Variants in CEACAM20 observed in about 807,000 individuals in gnomAD.
CEACAM20 encodes the protein cell adhesion molecule CEACAM20.
CEACAM20 carries 50 observed loss-of-function variants against 61.2 expected under a neutral mutation model. The observed-to-expected ratio is 0.82, with a 90% CI of 0.65 to 1.03. CEACAM20 has a LOEUF of 1.03. CEACAM20 is among the 50% of genes least tolerant of loss of function. The pLI is 0.00. For missense variants in CEACAM20, 683 were observed against 736.4 expected (o/e 0.93, Z 0.84); for synonymous variants, 282 against 287.7 (o/e 0.98, Z 0.20).
intron 5 of CEACAM20, among the ~76,000 whole-genome samples, chr19:44,518,663 T>C (rs11670955): frequency 0.5 from 76,395 of 151,880 alleles, 21,259 homozygotes; most frequent in East Asian, 0.76. Context: ...GGTTGCTAAT[T>C]GAGACATTCT....
intron 1 of CEACAM20, among the ~76,000 whole-genome samples, chr19:44,526,651 T>C (rs1233356571): frequency 6.6e-6 from 1 of 151,682 alleles, no homozygotes; most frequent in Non-Finnish European, 1.5e-5. Flanking sequence ...CGGAGGTGGG[T>C]GGATCACTTG....
In CEACAM20 at chr19:44,520,507, C is replaced by T; in HGVS notation, c.997G>A (p.Ala333Thr). ...ACEVWNWGSR[A>T]RSEPLELTIN... ...GTCAGCTCAAGGGGCTCACTCCGGG[C>T]CCGGCTGCCCCAGTTCCAGACCTCA... The change falls in exon 5 of 12, where the codon GCC becomes ACC. Residue 333 changes from alanine to threonine, a missense_variant. Physicochemically the swap from Ala to Thr is moderately conservative, Grantham distance 58 (BLOSUM62 0). Transcript: ENST00000614924. The T allele has an allele frequency of 6.2e-7, 1 of 1,613,482 alleles. No individual in the cohort carries two copies. Among genetic ancestry groups the T allele is most frequent in the Non-Finnish European group, 8.5e-7 (1 of 1,179,872 alleles).
At position 44,510,556 on chromosome 19, in the gene CEACAM20, G is replaced by GAA. The variant is rs768078609; in HGVS notation, c.1737+472_1737+473dup. On this transcript the variant is annotated intron_variant, in intron 11 of 11. Transcript: ENST00000614924. ...GAAAGGAAGGAAGGAAGGAAAGAAA[G>GAA]AAAGAAAGAAAGAAAGAAAGAAAGA... Among the ~76,000 whole-genome samples, 75 of 29,184 alleles carry GAA rather than the reference G, an allele frequency of 2.6e-3. 1 individual carries two copies. Among genetic ancestry groups the GAA allele is most frequent in the East Asian group, 0.026 (7 of 274 alleles). 19.1% of individuals were successfully genotyped at this position (29,184 alleles called of 152,430 possible). A position where few individuals can be genotyped will look rare whatever the true frequency, so the allele number is the denominator to read the frequency against.
chr19:44,529,336 ATC>A (rs760445851), intron 1 of CEACAM20, 120 bp downstream of exon 1: 7 of 850,880 alleles, frequency 8.2e-6, no homozygotes, highest in East Asian at 8.1e-5. Flanking sequence ...CTCTGCCTCC[ATC>A]TCTTTTTCCT....
chr19:44,525,632 G>A (rs912379263), intron 1 of CEACAM20, among the ~76,000 whole-genome samples: 6 of 152,044 alleles, frequency 3.9e-5, no homozygotes, highest in South Asian at 2.1e-4. Flanking sequence ...TAGTAGAGAC[G>A]GGGTTTCGCC....
chr19:44,512,858 A>G lies in CEACAM20; in HGVS notation c.1513+10T>C. 2 of 1,610,798 alleles carry G rather than the reference A, an allele frequency of 1.2e-6. No homozygotes were observed. Among genetic ancestry groups the G allele is most frequent in the Non-Finnish European group, 1.7e-6 (2 of 1,177,552 alleles). ...CTGCCCCAGGCATCAGCCACCATAG[A>G]GTCACTTACCGGAACTGGGCTCTGT... On this transcript the variant is annotated intron_variant, in intron 8 of 11. Coordinates refer to ENST00000614924, the MANE Select transcript of CEACAM20 (RefSeq NM_001102597.3).
chr19:44,510,578 A>G (rs867613960), intron 11 of CEACAM20, among the ~76,000 whole-genome samples: 1 of 49,040 alleles, frequency 2.0e-5, no homozygotes, highest in Admixed American at 2.5e-4. Context: ...GAAAGAAAGA[A>G]AGAAAGAAAG....
intron 11 of CEACAM20, among the ~76,000 whole-genome samples, chr19:44,510,593 AAAGAAAGAAAGAAAGAAAAAGGAAG>A (rs1970956310): frequency 1.6e-5 from 1 of 63,394 alleles, no homozygotes; most frequent in South Asian, 7.0e-4. Context: ...AGAAAGAAAG[AAAGAAAGAAAGAAAGAAAAAGGAAG>A]GAAGGAAGAA....
intron 4 of CEACAM20, 74 bp from the exon 5 acceptor site, chr19:44,520,826 G>A (rs1237483294): frequency 1.4e-6 from 2 of 1,478,914 alleles, no homozygotes; most frequent in Non-Finnish European, 1.8e-6. Flanking sequence ...GGGCCCACAA[G>A]TTTTTCCAGG....
intron 11 of CEACAM20, among the ~76,000 whole-genome samples, chr19:44,509,430 G>A (rs1970910028): frequency 6.6e-6 from 1 of 151,730 alleles, no homozygotes; most frequent in African/African-American, 2.4e-5. Context: ...AAATGAAACT[G>A]AAATCAATGG....
Position 44,520,756 on chromosome 19 carries a change from G to A in CEACAM20, c.752-4C>T, listed in dbSNP as rs935190926. ...ACTTGAGGCATGGTCAGTGTTTCTG[G>A]AAACACGTGGAGATACACAGTCAGG... On this transcript the variant is annotated splice_polypyrimidine_tract_variant and splice_region_variant and intron_variant, in intron 4 of 11. Transcript: ENST00000614924. 13 of 1,610,526 alleles carry A rather than the reference G, an allele frequency of 8.1e-6. No individual in the cohort carries two copies. The highest frequency in any genetic ancestry group is 1.3e-5 in the African/African-American group (1 of 75,022).
At chr19:44,521,431 T>G (rs573924063) in intron 4 of CEACAM20, among the ~76,000 whole-genome samples, 157 of 152,218 alleles carry the variant, frequency 1.0e-3, no homozygotes, top group African/African-American at 3.7e-3. Flanking sequence ...GTCATGTATA[T>G]GTGATCTTGT....
chr19:44,528,956 C>CTTTTTTTTTTT (rs71171255), intron 1 of CEACAM20, among the ~76,000 whole-genome samples: 45 of 92,638 alleles, frequency 4.9e-4, no homozygotes, highest in East Asian at 1.2e-3. Context: ...CTCTTTCTTT[C>CTTTTTTTTTTT]TTTTTTTTTT....
chr19:44,509,794 G>C (rs181670857), intron 11 of CEACAM20, among the ~76,000 whole-genome samples: 1 of 151,838 alleles, frequency 6.6e-6, no homozygotes, highest in African/African-American at 2.4e-5. Context: ...GAAGGGAATG[G>C]GAAAAAAGAA....
chr19:44,523,324 G>A (rs1308845401), intron 3 of CEACAM20, among the ~76,000 whole-genome samples: 1 of 152,030 alleles, frequency 6.6e-6, no homozygotes, highest in African/African-American at 2.4e-5. Context: ...CAGGAGGATC[G>A]CTTGAGCCCA....
Position 44,522,797 on chromosome 19 carries a change from G to A in CEACAM20, c.588C>T (p.Pro196=). 6.2e-7 allele frequency: 1 copy of A among 1,613,736 alleles called. No homozygotes were observed. Among genetic ancestry groups the A allele is most frequent in the Non-Finnish European group, 8.5e-7 (1 of 1,179,814 alleles). Residue 196 remains proline (P), a synonymous_variant, in exon 4 of 12, where the codon CCC becomes CCT. Transcript: ENST00000614924. ...TFLAETKSHP[P]CAYTWFLLDS... is the part of the protein sequence containing the mutation. Reference sequence around the variant, plus strand: ...CAAGGAGAAACCAAGTATAGGCACAGGGTGGGTGAGACTTTGTTTCCGCTA... The same window carrying A: ...CAAGGAGAAACCAAGTATAGGCACAAGGTGGGTGAGACTTTGTTTCCGCTA...
intron 1 of CEACAM20, among the ~76,000 whole-genome samples, chr19:44,527,421 G>C (rs1441430861): frequency 6.6e-6 from 1 of 152,162 alleles, no homozygotes; most frequent in African/African-American, 2.4e-5. Flanking sequence ...TTGGTCAAGT[G>C]ATGTTCCCTA....
At chr19:44,514,452 A>C (rs1201280637) in intron 6 of CEACAM20, among the ~76,000 whole-genome samples, 5 of 138,528 alleles carry the variant, frequency 3.6e-5, no homozygotes, top group Admixed American at 2.8e-4. Flanking sequence ...CTGCATCTCC[A>C]CTTTTTTTTT....
At chr19:44,510,582 A>T (rs1970952241) in intron 11 of CEACAM20, among the ~76,000 whole-genome samples, 1 of 49,636 alleles carries the variant, frequency 2.0e-5, no homozygotes. Context: ...GAAAGAAAGA[A>T]AGAAAGAAAG....
Sources: gnomAD v4.1 joint callset for allele counts (sites outside exome capture counted in the v4.1 genomes callset) on GRCh38, gnomAD v4.1.1 for gene constraint, MANE v1.5 for transcripts, NCBI Gene and HGNC (gene_info 2026-07-23, HGNC 2026-07-21) for gene names.